The following UNC13C variants were observed in gnomAD, a reference collection of about 807,000 sequenced individuals.
UNC13C encodes unc-13 homolog C.
A neutral mutation model predicts 245.4 loss-of-function variants in UNC13C; 174 were observed. The observed-to-expected ratio is 0.71, with a 90% CI of 0.63 to 0.80. The LOEUF (loss-of-function observed/expected upper bound fraction) is 0.80. Ranked by LOEUF, UNC13C falls within the 30% of genes least tolerant of loss-of-function variation. UNC13C has a pLI of 0.00. For synonymous variants in UNC13C, 992 were observed against 895.1 expected (o/e 1.11, Z -1.93); for missense variants, 2,829 against 2,602.9 (o/e 1.09, Z -1.89).
intron 4 of UNC13C, 102 bp from the exon 5 acceptor site, chr15:54,234,928 C>G: frequency 1.0e-6 from 1 of 973,920 alleles, no homozygotes. Context: ...CTATGGTATC[C>G]AGGTCATCTT....
At chr15:54,468,128 A>C (rs1443453727) in intron 19 of UNC13C, among the ~76,000 whole-genome samples, 1 of 151,494 alleles carries the variant, frequency 6.6e-6, no homozygotes, top group Non-Finnish European at 1.5e-5. Context: ...GGTACTTTTT[A>C]TATTATATCT....
At chr15:54,407,959 T>G (rs2040331593) in intron 18 of UNC13C, among the ~76,000 whole-genome samples, 1 of 151,956 alleles carries the variant, frequency 6.6e-6, no homozygotes, top group Non-Finnish European at 1.5e-5. Context: ...CCCAGCATTT[T>G]GGGAGGCCAA....
At chr15:53,840,512 G>A in the UNC13C span, among the ~76,000 whole-genome samples, 1 of 152,104 alleles carries the variant, frequency 6.6e-6, no homozygotes, top group Non-Finnish European at 1.5e-5. Context: ...TAGAACAGAG[G>A]ACTGTAAGAC....
chr15:54,248,261 A>G (rs1345064661), intron 7 of UNC13C, among the ~76,000 whole-genome samples: 1 of 152,106 alleles, frequency 6.6e-6, no homozygotes, highest in Admixed American at 6.5e-5. Context: ...ATGCAATTGC[A>G]AGTATATAAA....
chr15:53,971,473 A>G, the UNC13C span, among the ~76,000 whole-genome samples: 1 of 152,192 alleles, frequency 6.6e-6, no homozygotes, highest in Non-Finnish European at 1.5e-5. Context: ...CTTCAGTATG[A>G]TGAAGGAAAC....
At chr15:54,488,292 C>T (rs1168032739) in intron 19 of UNC13C, among the ~76,000 whole-genome samples, 2 of 152,138 alleles carry the variant, frequency 1.3e-5, no homozygotes, top group Non-Finnish European at 2.9e-5. Flanking sequence ...GCTAGTAAAA[C>T]ATTATACATA....
chr15:53,997,217 G>A (rs551194037), intron 1 of UNC13C, among the ~76,000 whole-genome samples: 1 of 152,102 alleles, frequency 6.6e-6, no homozygotes, highest in Admixed American at 6.5e-5. Flanking sequence ...CACCTTCCTT[G>A]GTGAAGTGTT....
chr15:54,226,125 T>G (rs1256595939), intron 4 of UNC13C, among the ~76,000 whole-genome samples: 1 of 152,232 alleles, frequency 6.6e-6, no homozygotes, highest in Non-Finnish European at 1.5e-5. Context: ...TTTGTGTATG[T>G]TAAACCAACT....
chr15:54,307,049 T>A (rs1255383886), intron 13 of UNC13C, among the ~76,000 whole-genome samples: 1 of 152,024 alleles, frequency 6.6e-6, no homozygotes, highest in East Asian at 1.9e-4. Flanking sequence ...TAGTTTCTCA[T>A]GAACCCCACA....
chr15:54,406,673 A>G (rs967567816), intron 18 of UNC13C, among the ~76,000 whole-genome samples: 1 of 152,214 alleles, frequency 6.6e-6, no homozygotes. Flanking sequence ...CACGAGTACA[A>G]TTATGGAATT....
At chr15:54,138,668 T>C (rs1375882943) in intron 2 of UNC13C, among the ~76,000 whole-genome samples, 2 of 152,110 alleles carry the variant, frequency 1.3e-5, no homozygotes, top group African/African-American at 4.8e-5. Flanking sequence ...AATGAAACAG[T>C]GCCAATCTTA....
intron 2 of UNC13C, among the ~76,000 whole-genome samples, chr15:54,064,044 A>G (rs1310685256): frequency 1.3e-5 from 2 of 152,100 alleles, no homozygotes; most frequent in African/African-American, 4.8e-5. Context: ...CTTTGTGTCT[A>G]GCTGCTCACC....
chr15:54,618,567 T>C (rs1900591569), intron 30 of UNC13C, among the ~76,000 whole-genome samples: 1 of 54,872 alleles, frequency 1.8e-5, no homozygotes, highest in African/African-American at 2.3e-4. Context: ...TGAGATATCC[T>C]GTGTTCAAAG....
rs2040938364 is a variant in UNC13C, at chr15:54,434,463, G to T, written c.4933+19396G>T. 2.6e-5 allele frequency among the ~76,000 whole-genome samples: 4 copies of T among 152,000 alleles called. No homozygotes were observed. The South Asian group carries it at 8.3e-4, about 32-fold the overall frequency. ...TAAATCATCTGATCTTCAACAAAAT[G>T]ACAAAAAGGAGCAATGGGGAAAGTG... is the stretch of plus-strand genomic sequence containing the variant. On this transcript the variant is annotated intron_variant, in intron 19 of 32. Coordinates refer to ENST00000260323, the MANE Select transcript of UNC13C (RefSeq NM_001080534.3).
chr15:54,161,974 TAC>T (rs1344769317), intron 4 of UNC13C, among the ~76,000 whole-genome samples: 4 of 152,136 alleles, frequency 2.6e-5, no homozygotes, highest in Non-Finnish European at 5.9e-5. Flanking sequence ...TCCAAGCAAT[TAC>T]ACAGTCTGTG....
intron 13 of UNC13C, among the ~76,000 whole-genome samples, chr15:54,306,541 G>A (rs775873016): frequency 2.0e-5 from 3 of 151,858 alleles, no homozygotes; most frequent in Non-Finnish European, 4.4e-5. Flanking sequence ...GTTCCTAATA[G>A]TGTTTTGACA....
rs2037542392 is a variant in UNC13C, at chr15:54,300,245, T to C, written c.4140T>C (p.Asn1380=). 3.1e-6 allele frequency: 5 copies of C among 1,600,296 alleles called. No homozygotes were observed. Among genetic ancestry groups the C allele is most frequent in the South Asian group, 1.1e-5 (1 of 88,322 alleles). The change falls in exon 13 of 33, where the codon AAT becomes AAC. Residue 1380 remains asparagine (N), a synonymous_variant. Coordinates refer to ENST00000260323, the MANE Select transcript of UNC13C (RefSeq NM_001080534.3). ...LFHYLTEVKS[N]GGVKIPEVKG... is the part of the protein sequence containing the mutation. ...ATTACTTGACTGAAGTGAAATCTAATGGTGGAGTGAAAATCCCAGAAGTCA... is the reference window on the plus strand; with the variant it reads ...ATTACTTGACTGAAGTGAAATCTAACGGTGGAGTGAAAATCCCAGAAGTCA...
At chr15:54,625,793 A>T (rs746172687) in intron 32 of UNC13C, among the ~76,000 whole-genome samples, 11 of 152,130 alleles carry the variant, frequency 7.2e-5, no homozygotes, top group Non-Finnish European at 1.6e-4. Context: ...ACATTTCACT[A>T]TCTACTTCAA....
At chr15:54,322,438 T>A (rs2140981012) in intron 14 of UNC13C, among the ~76,000 whole-genome samples, 1 of 152,134 alleles carries the variant, frequency 6.6e-6, no homozygotes, top group South Asian at 2.1e-4. Context: ...TAGATATAGT[T>A]CCCTAGTAAG....
Sources: allele counts gnomAD v4.1 joint callset (sites outside exome capture counted in the v4.1 genomes callset), GRCh38; gene constraint gnomAD v4.1.1; transcripts MANE v1.5; gene names NCBI Gene and HGNC (gene_info 2026-07-23, HGNC 2026-07-21).